Variants in SH3BGRL2 observed in about 807,000 individuals in gnomAD.
The protein encoded by SH3BGRL2 is SH3 domain binding glutamate rich protein like 2, also known as SH3 domain-binding glutamic acid-rich-like protein 2.
Under a neutral mutation model 14.8 loss-of-function variants are expected in SH3BGRL2, and 21 were observed. The ratio of observed to expected loss-of-function variants is 1.42; its 90% CI spans 1.01 to 2.05. The LOEUF is 2.05. Among genes scored for constraint, SH3BGRL2 ranks in the 30% most tolerant of loss-of-function variants. SH3BGRL2 has a pLI of 0.00. For synonymous variants in SH3BGRL2, 50 were observed against 47.8 expected (o/e 1.05, Z -0.19); for missense variants, 147 against 130.8 (o/e 1.12, Z -0.61).
chr6:79,576,544 A>AT, the SH3BGRL2 span, among the ~76,000 whole-genome samples: 1 of 151,868 alleles, frequency 6.6e-6, no homozygotes, highest in Non-Finnish European at 1.5e-5. Context: ...TCAATAGTTT[A>AT]TTTTTTCTTG....
At chr6:79,597,263 G>C in the SH3BGRL2 span, among the ~76,000 whole-genome samples, 1 of 141,638 alleles carries the variant, frequency 7.1e-6, no homozygotes, top group African/African-American at 2.7e-5. Flanking sequence ...AAGAGGAAGA[G>C]GAAAGAAAGA....
At chr6:79,592,776 T>TA in the SH3BGRL2 span, among the ~76,000 whole-genome samples, 3 of 152,194 alleles carry the variant, frequency 2.0e-5, no homozygotes, top group Non-Finnish European at 2.9e-5. Context: ...CTTTAATACT[T>TA]ACCACACGTG....
chr6:79,678,940 G>A (rs1447110337), intron 2 of SH3BGRL2, among the ~76,000 whole-genome samples: 1 of 152,158 alleles, frequency 6.6e-6, no homozygotes, highest in Non-Finnish European at 1.5e-5. Flanking sequence ...TGCTGCAGAA[G>A]ACATGAGTTT....
chr6:79,560,765 C>A, the SH3BGRL2 span, among the ~76,000 whole-genome samples: 1 of 151,136 alleles, frequency 6.6e-6, no homozygotes, highest in Admixed American at 6.6e-5. Context: ...CTAGCACTGT[C>A]CAATAGAAAT....
At chr6:79,586,235 C>CT in the SH3BGRL2 span, among the ~76,000 whole-genome samples, 13,597 of 55,116 alleles carry the variant, frequency 0.25, 3,544 homozygotes, top group East Asian at 0.49. Context: ...GTATGGACTT[C>CT]TTTTTTTTTT....
Position 79,703,326 on chromosome 6 carries a change from T to G in SH3BGRL2, c.*3817T>G, listed in dbSNP as rs919583384. On this transcript the variant is annotated 3_prime_UTR_variant, in exon 4 of 4. Coordinates refer to ENST00000369838, the MANE Select transcript of SH3BGRL2 (RefSeq NM_031469.4). Reference sequence around the variant, plus strand: ...GGCTGTGATTCACCATTTGAGACATTATACATAATTTGTTTTTGTTATAAG... The same window carrying G: ...GGCTGTGATTCACCATTTGAGACATGATACATAATTTGTTTTTGTTATAAG... 2 of 152,172 alleles carry G rather than the reference T, an allele frequency of 1.3e-5. No individual in the cohort carries two copies. The highest frequency in any genetic ancestry group is 2.9e-5 in the Non-Finnish European group (2 of 68,040). 9.4% of individuals were successfully genotyped at this position (152,172 alleles called of 1,614,324 possible).
intron 2 of SH3BGRL2, among the ~76,000 whole-genome samples, chr6:79,686,936 CT>C (rs1163188174): frequency 6.6e-6 from 1 of 152,158 alleles, no homozygotes; most frequent in Non-Finnish European, 1.5e-5. Context: ...CCAGGGTGAA[CT>C]TCCTTTCCAT....
At chr6:79,548,987 A>T in the SH3BGRL2 span, among the ~76,000 whole-genome samples, 1 of 152,370 alleles carries the variant, frequency 6.6e-6, no homozygotes, top group South Asian at 2.1e-4. Flanking sequence ...TATCAAGCTC[A>T]TAACAAAATG....
upstream of SH3BGRL2, among the ~76,000 whole-genome samples, chr6:79,626,372 T>C (rs1387017109): frequency 6.6e-6 from 1 of 152,188 alleles, no homozygotes; most frequent in Non-Finnish European, 1.5e-5. Flanking sequence ...CCTGATTCCC[T>C]TTATAACTTC....
the SH3BGRL2 span, among the ~76,000 whole-genome samples, chr6:79,577,273 C>A: frequency 6.6e-6 from 1 of 152,192 alleles, no homozygotes; most frequent in African/African-American, 2.4e-5. Context: ...TTGTTTACTG[C>A]AGCCTTATAG....
At chr6:79,596,527 T>C in the SH3BGRL2 span, among the ~76,000 whole-genome samples, 3 of 152,194 alleles carry the variant, frequency 2.0e-5, no homozygotes, top group Admixed American at 6.5e-5. Flanking sequence ...ACTCCTGGGC[T>C]CAAGCAATCC....
At chr6:79,672,790 A>G (rs1769799348) in intron 1 of SH3BGRL2, among the ~76,000 whole-genome samples, 1 of 152,138 alleles carries the variant, frequency 6.6e-6, no homozygotes, top group African/African-American at 2.4e-5. Flanking sequence ...CTTTGCAGAG[A>G]TGGATTTGCA....
chr6:79,579,099 G>A, the SH3BGRL2 span, among the ~76,000 whole-genome samples: 1,021 of 152,240 alleles, frequency 6.7e-3, 10 homozygotes, highest in African/African-American at 0.023. Context: ...GACAAGGTTA[G>A]AGAAAAAAGA....
chr6:79,615,816 C>G, the SH3BGRL2 span, among the ~76,000 whole-genome samples: 1 of 81,794 alleles, frequency 1.2e-5, no homozygotes. Flanking sequence ...ACCACTCCTG[C>G]CTTTTTTTTT....
intron 3 of SH3BGRL2, among the ~76,000 whole-genome samples, chr6:79,699,059 C>T (rs1770390155): frequency 6.7e-6 from 1 of 148,462 alleles, no homozygotes; most frequent in Non-Finnish European, 1.5e-5. Context: ...TCCATTGGCT[C>T]AAGGGGGAGG....
At chr6:79,687,637 A>C (rs922213564) in intron 2 of SH3BGRL2, among the ~76,000 whole-genome samples, 6 of 152,204 alleles carry the variant, frequency 3.9e-5, no homozygotes, top group African/African-American at 1.4e-4. Flanking sequence ...TTATCCACTA[A>C]ATCAAGAACT....
At chr6:79,662,630 G>A (rs141672231) in intron 1 of SH3BGRL2, among the ~76,000 whole-genome samples, 20 of 152,132 alleles carry the variant, frequency 1.3e-4, no homozygotes, top group African/African-American at 4.6e-4. Flanking sequence ...TTGTCTTGGA[G>A]TTGCTCTTCT....
chr6:79,590,648 T>A, the SH3BGRL2 span, among the ~76,000 whole-genome samples: 2 of 151,322 alleles, frequency 1.3e-5, no homozygotes, highest in Non-Finnish European at 2.9e-5. Context: ...AAGGGAACAA[T>A]AGACACTGGG....
At chr6:79,597,270 A>C in the SH3BGRL2 span, among the ~76,000 whole-genome samples, 1 of 148,882 alleles carries the variant, frequency 6.7e-6, no homozygotes, top group African/African-American at 2.5e-5. Context: ...AGAGGAAAGA[A>C]AGAGAGAGAG....
Sources: allele counts gnomAD v4.1 joint callset (sites outside exome capture counted in the v4.1 genomes callset), GRCh38; gene constraint gnomAD v4.1.1; transcripts MANE v1.5; gene names NCBI Gene and HGNC (gene_info 2026-07-23, HGNC 2026-07-21).